Variants in ADGRL2 observed in about 807,000 individuals in gnomAD.
ADGRL2 encodes the protein calcium-independent alpha-latrotoxin receptor 2.
ADGRL2 carries 44 observed loss-of-function variants against 157.4 expected under a neutral mutation model. That is an observed-to-expected ratio of 0.28 (90% CI 0.22 to 0.36). The LOEUF (loss-of-function observed/expected upper bound fraction) is 0.36, where lower values mean the gene tolerates loss of function less well. Ranked by LOEUF, ADGRL2 falls within the 10% of genes least tolerant of loss-of-function variation. The pLI, the probability that ADGRL2 is intolerant of heterozygous loss-of-function variation, is 1.00. For missense variants in ADGRL2, 1,510 were observed against 1,768.9 expected (o/e 0.85, Z 2.63); for synonymous variants, 585 against 624.7 (o/e 0.94, Z 0.95).
intron 2 of ADGRL2, among the ~76,000 whole-genome samples, chr1:81,472,960 T>C (rs2078201480): frequency 6.6e-6 from 1 of 152,134 alleles, no homozygotes; most frequent in Admixed American, 6.5e-5. Context: ...AAAGTGTCTG[T>C]CTGAGAACCC....
chr1:81,448,137 C>CTTTTTTTTTTTTTTTTTT (rs1168945231), intron 2 of ADGRL2, among the ~76,000 whole-genome samples: 14 of 83,506 alleles, frequency 1.7e-4, no homozygotes, highest in Admixed American at 3.4e-4. Flanking sequence ...TTCTTTCTTT[C>CTTTTTTTTTTTTTTTTTT]TTTTTTTTTT....
At chr1:81,343,562 C>T (rs1002009174) in intron 1 of ADGRL2, among the ~76,000 whole-genome samples, 7 of 152,088 alleles carry the variant, frequency 4.6e-5, no homozygotes, top group Non-Finnish European at 8.8e-5. Context: ...ACAACTAATC[C>T]TTATTTCTGA....
In ADGRL2 at chr1:81,952,107, A is replaced by G; in HGVS notation, c.1759A>G (p.Ser587Gly). The stretch of plus-strand genomic sequence containing the variant: ...TGCACAGCTGCAGGAACTGAAACCT[A>G]GTGAAAAAGATTCAGCTGGACGGAG... The part of the protein sequence containing the change: ...LDAQLQELKP[S>G]EKDSAGRSYN... The change falls in exon 9 of 24, where the codon AGT (serine) becomes GGT (glycine). Residue 587 changes from serine to glycine, a missense_variant. This residue lies in a region of ADGRL2 where 325 missense variants were observed against 333.2 expected (regional missense o/e 0.98). Transcript: ENST00000686636. 1.2e-6 allele frequency: 2 copies of G among 1,612,900 alleles called. No homozygotes were observed. The highest frequency in any genetic ancestry group is 1.7e-6 in the Non-Finnish European group (2 of 1,179,342).
intron 2 of ADGRL2, among the ~76,000 whole-genome samples, chr1:81,521,340 C>T (rs2079309827): frequency 6.6e-6 from 1 of 151,984 alleles, no homozygotes; most frequent in African/African-American, 2.4e-5. Flanking sequence ...AAGAAAAATG[C>T]TTTTAATATG....
At chr1:81,905,766 A>C (rs2094571810) in intron 2 of ADGRL2, among the ~76,000 whole-genome samples, 1 of 152,190 alleles carries the variant, frequency 6.6e-6, no homozygotes, top group Non-Finnish European at 1.5e-5. Context: ...AATAGGTTGC[A>C]TTTCAAAATT....
rs909386271 is a variant in ADGRL2, at chr1:81,993,894, A to AAATAATAAT, written c.*2761_*2769dup. The AAATAATAAT allele has an allele frequency of 5.6e-6, 1 of 178,158 alleles. No homozygotes were observed. The allele number at this position is 178,158 out of a possible 1,614,324, so 11.0% of individuals were successfully genotyped here. A position where few individuals can be genotyped will look rare whatever the true frequency, so the allele number is the denominator to read the frequency against. On this transcript the variant is annotated 3_prime_UTR_variant, in exon 24 of 24. Coordinates refer to ENST00000686636, the MANE Select transcript of ADGRL2 (RefSeq NM_001366006.2). ...GAGACATTCACTCTGTCTTTATTAA[A>AAATAATAAT]AATAATAATAATAATAATAAACGTT...
At chr1:81,545,226 A>G (rs1230843010) in intron 2 of ADGRL2, among the ~76,000 whole-genome samples, 1 of 152,118 alleles carries the variant, frequency 6.6e-6, no homozygotes, top group Non-Finnish European at 1.5e-5. Flanking sequence ...CCAACATCAT[A>G]TAAGTAGTGG....
intron 2 of ADGRL2, among the ~76,000 whole-genome samples, chr1:81,788,416 C>T (rs944523839): frequency 1.3e-5 from 2 of 152,152 alleles, no homozygotes; most frequent in Non-Finnish European, 2.9e-5. Context: ...CTCCCTCTCT[C>T]TCCATGTGAC....
chr1:81,356,204 A>G (rs919646037), intron 1 of ADGRL2, among the ~76,000 whole-genome samples: 2 of 152,232 alleles, frequency 1.3e-5, no homozygotes, highest in African/African-American at 4.8e-5. Flanking sequence ...GAGCTAAGAG[A>G]CATGGTGTTT....
chr1:81,530,019 A>G (rs1467074780), intron 2 of ADGRL2, among the ~76,000 whole-genome samples: 1 of 152,234 alleles, frequency 6.6e-6, no homozygotes, highest in Non-Finnish European at 1.5e-5. Flanking sequence ...ACAAAAAGGC[A>G]TAAATCTGGG....
At chr1:81,643,759 T>A (rs750134914) in intron 3 of ADGRL2, among the ~76,000 whole-genome samples, 26 of 152,142 alleles carry the variant, frequency 1.7e-4, no homozygotes, top group Admixed American at 9.2e-4. Context: ...ACTAACTAAA[T>A]AAATGGAGAG....
At chr1:81,745,273 T>A (rs1305446175) in intron 1 of ADGRL2, among the ~76,000 whole-genome samples, 1 of 152,242 alleles carries the variant, frequency 6.6e-6, no homozygotes, top group Non-Finnish European at 1.5e-5. Flanking sequence ...ATATTCTCTC[T>A]CTTGATCTTT....
At chr1:81,705,137 C>T (rs2083691691) in intron 1 of ADGRL2, among the ~76,000 whole-genome samples, 1 of 152,122 alleles carries the variant, frequency 6.6e-6, no homozygotes, top group Non-Finnish European at 1.5e-5. Context: ...ACTGCAACCT[C>T]CACCTCTCGG....
At chr1:81,466,104 G>A (rs1255418004) in intron 2 of ADGRL2, among the ~76,000 whole-genome samples, 4 of 152,194 alleles carry the variant, frequency 2.6e-5, no homozygotes, top group African/African-American at 9.6e-5. Context: ...GAAGCCAGAA[G>A]ATAGAATGCT....
At chr1:81,333,455 G>T (rs185444987) in intron 1 of ADGRL2, among the ~76,000 whole-genome samples, 3 of 151,390 alleles carry the variant, frequency 2.0e-5, no homozygotes, top group Non-Finnish European at 2.9e-5. Context: ...TCACTCTATC[G>T]CCCAGGCTGG....
intron 2 of ADGRL2, among the ~76,000 whole-genome samples, chr1:81,549,891 GACAGTAATC>G (rs2080103916): frequency 6.6e-6 from 1 of 152,060 alleles, no homozygotes; most frequent in East Asian, 1.9e-4. Context: ...ATCCCAAGTA[GACAGTAATC>G]ACAGTAATCA....
At chr1:81,403,228 GT>G (rs11338962) in intron 1 of ADGRL2, among the ~76,000 whole-genome samples, 64,308 of 129,520 alleles carry the variant, frequency 0.5, 14,441 homozygotes, top group East Asian at 0.65. Context: ...ACTTTTCCTT[GT>G]TTTTTTTTTG....
At position 81,970,318 on chromosome 1, in the gene ADGRL2, C is replaced by T. The variant is rs374202661; in HGVS notation, c.2738C>T (p.Ala913Val). Reference sequence around the variant, plus strand: ...TTTTGTTCTTTTCCCCCGTAGATTGCATGCCCAATATTTGCAGGACTTCTA... The same window carrying T: ...TTTTGTTCTTTTCCCCCGTAGATTGTATGCCCAATATTTGCAGGACTTCTA... The part of the protein sequence containing the change: ...IGIDKTKYAI[A>V]CPIFAGLLHF... The change falls in exon 16 of 24, where the codon GCA becomes GTA. Residue 913 changes from alanine to valine, a missense_variant. By Grantham distance (64) the Ala-to-Val change is moderately conservative. Around this residue, in one of 4 missense-constraint regions of ADGRL2, gnomAD observed 497 missense variants for 627.2 expected, o/e 0.79. Transcript: ENST00000686636. The T allele has an allele frequency of 5.0e-6, 8 of 1,609,170 alleles. No homozygotes were observed. The highest frequency in any genetic ancestry group is 1.7e-5 in the Admixed American group (1 of 59,292).
chr1:81,441,177 T>G (rs2077501543), intron 1 of ADGRL2, among the ~76,000 whole-genome samples: 1 of 152,198 alleles, frequency 6.6e-6, no homozygotes, highest in African/African-American at 2.4e-5. Flanking sequence ...GTACTATTAT[T>G]AAATATTAGT....
Sources: allele counts gnomAD v4.1 joint callset (sites outside exome capture counted in the v4.1 genomes callset), GRCh38; gene constraint gnomAD v4.1.1; regional missense constraint gnomAD v4.1.1; transcripts MANE v1.5; gene names NCBI Gene and HGNC (gene_info 2026-07-23, HGNC 2026-07-21).